Variants in KALRN observed in about 807,000 individuals in gnomAD.
KALRN encodes kalirin.
In KALRN, 70 loss-of-function variants were observed where a neutral mutation model predicts 353.7. The observed-to-expected ratio is 0.20, with a 90% CI of 0.16 to 0.24. KALRN has a LOEUF of 0.24. KALRN is among the 10% of genes least tolerant of loss of function. The pLI is 1.00. For missense variants in KALRN, 2,791 were observed against 3,756.7 expected, an observed-to-expected ratio of 0.74 and a Z score of 6.72; for synonymous variants, 1,391 against 1,434.8, an observed-to-expected ratio of 0.97 and a Z score of 0.69.
At chr3:124,601,239 T>C (rs1453513678) in intron 34 of KALRN, among the ~76,000 whole-genome samples, 1 of 152,232 alleles carries the variant, frequency 6.6e-6, no homozygotes, top group African/African-American at 2.4e-5. Context: ...TTAGGGTAGT[T>C]CCTGGCTACC....
intron 21 of KALRN, among the ~76,000 whole-genome samples, chr3:124,447,661 G>A (rs3755672): frequency 0.045 from 6,822 of 152,226 alleles, 221 homozygotes; most frequent in East Asian, 0.13. Flanking sequence ...AGATGTTCTT[G>A]TTGGGGTCAA....
At chr3:124,278,965 T>C (rs1425208442) in intron 5 of KALRN, among the ~76,000 whole-genome samples, 1 of 152,230 alleles carries the variant, frequency 6.6e-6, no homozygotes, top group Non-Finnish European at 1.5e-5. Context: ...TCCCTGTTCC[T>C]CTTCTACTCC....
At chr3:124,155,618 C>T (rs74710236) in intron 1 of KALRN, among the ~76,000 whole-genome samples, 3,143 of 152,260 alleles carry the variant, frequency 0.021, 98 homozygotes, top group African/African-American at 0.072. Context: ...GTTAAGAAAC[C>T]ATCCTCTCCA....
chr3:124,192,580 C>A (rs2075040240), intron 1 of KALRN, among the ~76,000 whole-genome samples: 1 of 152,184 alleles, frequency 6.6e-6, no homozygotes, highest in Non-Finnish European at 1.5e-5. Context: ...ATACCCCATT[C>A]TCCGTGATGT....
At chr3:124,264,746 C>T (rs2073300368) in intron 4 of KALRN, 56 bp downstream of exon 4, 25 of 1,429,304 alleles carry the variant, frequency 1.7e-5, no homozygotes, top group Non-Finnish European at 2.4e-5. Context: ...CTGCCATCCA[C>T]ACATTTCTCA....
At chr3:124,495,970 T>G (rs1429204762) in intron 32 of KALRN, among the ~76,000 whole-genome samples, 1 of 19,292 alleles carries the variant, frequency 5.2e-5, no homozygotes, top group Non-Finnish European at 9.4e-5. Flanking sequence ...TGTATGTATA[T>G]ATATATATAT....
intron 1 of KALRN, among the ~76,000 whole-genome samples, chr3:124,161,466 T>C (rs2069941074): frequency 6.6e-6 from 1 of 152,216 alleles, no homozygotes; most frequent in Non-Finnish European, 1.5e-5. Flanking sequence ...TCTCCCCCTC[T>C]ACCCCTGCCT....
intron 10 of KALRN, among the ~76,000 whole-genome samples, chr3:124,382,003 T>C (rs369096859): frequency 6.6e-6 from 1 of 152,290 alleles, no homozygotes; most frequent in South Asian, 2.1e-4. Context: ...TATATTCTTA[T>C]AGAGGCAGGG....
intron 1 of KALRN, among the ~76,000 whole-genome samples, chr3:124,178,812 A>G (rs2073148775): frequency 6.6e-6 from 1 of 152,210 alleles, no homozygotes; most frequent in African/African-American, 2.4e-5. Context: ...AATTTATTTA[A>G]ATATTTTTAT....
Position 124,491,812 on chromosome 3 carries a change from TC to T in KALRN, c.4689+390del, listed in dbSNP as rs556209523. On this transcript the variant is annotated intron_variant, in intron 31 of 59. Coordinates refer to ENST00000682506, the MANE Select transcript of KALRN (RefSeq NM_001388419.1). ...ATTTGACATTTTTTCCTAAATAACT[TC>T]CGTGTAAAAGGTATAGTGCCTAGTG... The T allele has an allele frequency of 8.1e-4, 128 of 157,544 alleles. 5 individuals are homozygous for T. The South Asian group carries it at 0.024, about 30-fold the overall frequency. 9.8% of individuals were successfully genotyped at this position (157,544 alleles called of 1,614,324 possible).
chr3:124,255,032 G>A (rs935476204), intron 3 of KALRN, among the ~76,000 whole-genome samples: 1 of 151,954 alleles, frequency 6.6e-6, no homozygotes, highest in Admixed American at 6.6e-5. Flanking sequence ...TGCAACCTCC[G>A]CCTCCCGGGT....
chr3:124,471,396 C>T (rs1231068789), intron 25 of KALRN, among the ~76,000 whole-genome samples: 1 of 151,806 alleles, frequency 6.6e-6, no homozygotes, highest in Non-Finnish European at 1.5e-5. Context: ...AGCGATTCTC[C>T]TGCCTCAGCC....
chr3:124,609,202 A>ATT (rs34104451), intron 34 of KALRN, among the ~76,000 whole-genome samples: 3 of 150,830 alleles, frequency 2.0e-5, no homozygotes, highest in Admixed American at 2.0e-4. Flanking sequence ...TTTTTCCTCA[A>ATT]TTTTTTTTTT....
intron 1 of KALRN, among the ~76,000 whole-genome samples, chr3:124,077,503 G>T (rs2060315418): frequency 6.6e-6 from 1 of 152,150 alleles, no homozygotes; most frequent in Non-Finnish European, 1.5e-5. Flanking sequence ...ATGCACATAT[G>T]CAGGGCCACT....
chr3:124,696,339 C>G, intron 54 of KALRN, 84 bp downstream of exon 54: 2 of 1,343,636 alleles, frequency 1.5e-6, no homozygotes. Flanking sequence ...GGCATGATCT[C>G]TGTTCATGGC....
chr3:124,110,747 G>T (rs991405033), intron 1 of KALRN, among the ~76,000 whole-genome samples: 2 of 152,092 alleles, frequency 1.3e-5, no homozygotes, highest in Non-Finnish European at 2.9e-5. Flanking sequence ...AGTCAACTGG[G>T]TTTCAGGTTT....
chr3:124,522,930 C>A (rs995616922), intron 33 of KALRN, among the ~76,000 whole-genome samples: 4 of 152,182 alleles, frequency 2.6e-5, no homozygotes, highest in Non-Finnish European at 4.4e-5. Context: ...AGACCCCAAG[C>A]ATGGAGGAAT....
intron 1 of KALRN, among the ~76,000 whole-genome samples, chr3:124,092,017 C>G (rs764664128): frequency 1.3e-5 from 2 of 152,122 alleles, no homozygotes; most frequent in Non-Finnish European, 2.9e-5. Context: ...CCAAGGAGCC[C>G]AGCCTGATGG....
Position 124,720,220 on chromosome 3 carries a change from A to G in KALRN, c.*750A>G, listed in dbSNP as rs1424832085. ...TCTGTCAATCGCAGGTTATTTGATT[A>G]AGATAGGTTCTTTCTGTATATGAAA... On this transcript the variant is annotated 3_prime_UTR_variant, in exon 60 of 60. Transcript: ENST00000682506. 1 of 152,658 alleles carries G rather than the reference A, an allele frequency of 6.6e-6. No homozygotes were observed. The highest frequency in any genetic ancestry group is 1.5e-5 in the Non-Finnish European group (1 of 68,046). The allele number at this position is 152,658 out of a possible 1,614,324, so 9.5% of individuals were successfully genotyped here.
Sources: gnomAD v4.1 joint callset for allele counts (sites outside exome capture counted in the v4.1 genomes callset) on GRCh38, gnomAD v4.1.1 for gene constraint, MANE v1.5 for transcripts, NCBI Gene and HGNC (gene_info 2026-07-23, HGNC 2026-07-21) for gene names.